GLG1: variants seen among roughly 807,000 people sequenced by gnomAD.
GLG1 encodes Golgi apparatus protein 1.
GLG1 carries 38 observed loss-of-function variants against 160.5 expected under a neutral mutation model. That is an observed-to-expected ratio of 0.24 (90% CI 0.18 to 0.31). The LOEUF is 0.31. Ranked by LOEUF, GLG1 falls within the 10% of genes least tolerant of loss-of-function variation. The probability of loss-of-function intolerance (pLI) is 1.00; values close to 1 mark genes in which losing one functional copy is unlikely to be tolerated. For missense variants in GLG1, 1,373 were observed against 1,505.2 expected, an observed-to-expected ratio of 0.91 and a Z score of 1.45; for synonymous variants, 644 against 543.4, an observed-to-expected ratio of 1.19 and a Z score of -2.57.
intron 23 of GLG1, 108 bp from the exon 24 acceptor site, chr16:74,458,102 T>C: frequency 9.0e-7 from 1 of 1,110,568 alleles, no homozygotes; most frequent in Non-Finnish European, 1.3e-6. Context: ...AGTTGAGGGC[T>C]AACAACAGAG....
chr16:74,566,378 C>T (rs2018654777), intron 1 of GLG1, among the ~76,000 whole-genome samples: 1 of 152,194 alleles, frequency 6.6e-6, no homozygotes, highest in Admixed American at 6.5e-5. Context: ...TGTCCCCAAG[C>T]CAGTTCTTTC....
At chr16:74,459,884 C>T in intron 22 of GLG1, 95 bp from the exon 23 acceptor site, 1 of 630,630 alleles carries the variant, frequency 1.6e-6, no homozygotes, top group Non-Finnish European at 2.7e-6. Flanking sequence ...GAAACAGAGC[C>T]AAGCTCTGTC....
intron 2 of GLG1, among the ~76,000 whole-genome samples, chr16:74,523,048 G>C (rs1480735206): frequency 2.6e-5 from 4 of 152,132 alleles, no homozygotes; most frequent in African/African-American, 9.7e-5. Flanking sequence ...TTTATACTTA[G>C]TGCTTTTTGT....
At chr16:74,480,449 C>A (rs2015557989) in intron 10 of GLG1, 55 bp from the exon 11 acceptor site, 1 of 1,367,482 alleles carries the variant, frequency 7.3e-7, no homozygotes, top group Non-Finnish European at 1.0e-6. Context: ...TTCCTTCTAA[C>A]ACAGGCTCAG....
intron 1 of GLG1, among the ~76,000 whole-genome samples, chr16:74,571,720 G>A (rs1010475212): frequency 6.6e-6 from 1 of 152,002 alleles, no homozygotes; most frequent in African/African-American, 2.4e-5. Context: ...AGCTATTTGG[G>A]AGGCTGATGT....
At chr16:74,490,955 G>T (rs762871099) in intron 8 of GLG1, 46 bp downstream of exon 8, 6 of 1,351,428 alleles carry the variant, frequency 4.4e-6, no homozygotes, top group Non-Finnish European at 6.4e-6. Flanking sequence ...AGGCTCTTCA[G>T]CTGATAAATG....
At position 74,553,366 on chromosome 16, in the gene GLG1, T is replaced by G. The variant is rs184658457; in HGVS notation, c.439-21213A>C. On this transcript the variant is annotated intron_variant, in intron 1 of 25. Coordinates refer to ENST00000422840, the MANE Select transcript of GLG1 (RefSeq NM_001145667.2). ...TGCACACCACCATGCTCGGCTACTA[T>G]TTTCTTCAAAATTTGACTATTCTGA... Among the ~76,000 whole-genome samples the G allele has an allele frequency of 5.3e-5, 8 of 152,276 alleles. No homozygotes were observed. The East Asian group carries it at 1.5e-3, about 29-fold the overall frequency.
At chr16:74,558,757 T>C (rs2018421519) in intron 1 of GLG1, among the ~76,000 whole-genome samples, 1 of 152,250 alleles carries the variant, frequency 6.6e-6, no homozygotes, top group African/African-American at 2.4e-5. Context: ...TGGATTAGAA[T>C]AGTCAGAAGA....
chr16:74,590,221 G>C (rs927258024), intron 1 of GLG1, among the ~76,000 whole-genome samples: 5 of 152,018 alleles, frequency 3.3e-5, no homozygotes, highest in African/African-American at 1.2e-4. Flanking sequence ...GGATGGTCTT[G>C]ATCTCCTGAT....
intron 1 of GLG1, among the ~76,000 whole-genome samples, chr16:74,558,739 T>C (rs1271981465): frequency 6.6e-6 from 1 of 152,150 alleles, no homozygotes; most frequent in Non-Finnish European, 1.5e-5. Flanking sequence ...ACCCTACGAG[T>C]TTCATGGTGG....
At chr16:74,567,128 A>C (rs1030692527) in intron 1 of GLG1, among the ~76,000 whole-genome samples, 4 of 151,764 alleles carry the variant, frequency 2.6e-5, no homozygotes, top group African/African-American at 4.8e-5. Context: ...ATAGGAGAAA[A>C]TCTTGAATAA....
intron 24 of GLG1, 141 bp downstream of exon 24, chr16:74,457,733 G>A (rs2014614342): frequency 1.5e-6 from 1 of 674,570 alleles, no homozygotes. Context: ...GCATCACCCA[G>A]GTCCCCAGGG....
intron 2 of GLG1, among the ~76,000 whole-genome samples, chr16:74,518,684 A>G (rs545183698): frequency 4.6e-5 from 7 of 152,348 alleles, no homozygotes; most frequent in African/African-American, 1.4e-4. Context: ...AACAAAAACC[A>G]AAATTGACAT....
At chr16:74,575,279 T>G (rs8045848) in intron 1 of GLG1, among the ~76,000 whole-genome samples, 131,110 of 151,966 alleles carry the variant, frequency 0.86, 56,698 homozygotes, top group African/African-American at 0.93. Flanking sequence ...CACCTAACAG[T>G]TAATACAAAT....
chr16:74,459,813 A>T (rs957282935), intron 22 of GLG1, 24 bp from the exon 23 acceptor site: 3 of 1,207,000 alleles, frequency 2.5e-6, no homozygotes, highest in Non-Finnish European at 3.6e-6. Context: ...ACAAAAAACA[A>T]AGCTACCCCA....
intron 8 of GLG1, among the ~76,000 whole-genome samples, chr16:74,488,985 G>A (rs1390283810): frequency 1.3e-5 from 2 of 152,216 alleles, no homozygotes; most frequent in Middle Eastern, 3.4e-3. Context: ...CTCTAGATTT[G>A]GAAAGTACTT....
chr16:74,453,586 A>G (rs1364199278), intron 25 of GLG1, among the ~76,000 whole-genome samples: 2 of 152,162 alleles, frequency 1.3e-5, no homozygotes, highest in African/African-American at 4.8e-5. Context: ...ATTCCATCAC[A>G]GTGATCACCA....
At chr16:74,528,603 G>A (rs1052591142) in intron 2 of GLG1, among the ~76,000 whole-genome samples, 3 of 151,800 alleles carry the variant, frequency 2.0e-5, no homozygotes, top group Non-Finnish European at 1.5e-5. Flanking sequence ...CCTGAGGTCA[G>A]GAGTTCGAGA....
At chr16:74,598,485 C>T (rs958164310) in intron 1 of GLG1, among the ~76,000 whole-genome samples, 1 of 149,404 alleles carries the variant, frequency 6.7e-6, no homozygotes, top group Non-Finnish European at 1.5e-5. Context: ...CGCGCCACTG[C>T]ACTCTAGCTT....
Sources: allele counts gnomAD v4.1 joint callset (sites outside exome capture counted in the v4.1 genomes callset), GRCh38; gene constraint gnomAD v4.1.1; transcripts MANE v1.5; gene names NCBI Gene and HGNC (gene_info 2026-07-23, HGNC 2026-07-21).